The following MTHFD2L variants were observed in gnomAD, a reference collection of about 807,000 sequenced individuals.
The protein encoded by MTHFD2L is methylenetetrahydrofolate dehydrogenase (NADP+ dependent) 2 like.
MTHFD2L carries 29 observed loss-of-function variants against 34.9 expected under a neutral mutation model. That is an observed-to-expected ratio of 0.83 (90% confidence interval 0.62 to 1.13). The LOEUF (loss-of-function observed/expected upper bound fraction) is 1.13, where lower values mean the gene tolerates loss of function less well. MTHFD2L is among the 50% of genes most tolerant of loss of function. The probability of loss-of-function intolerance (pLI) is 0.00; values close to 1 mark genes in which losing one functional copy is unlikely to be tolerated. For synonymous variants in MTHFD2L, 167 were observed against 155.7 expected (o/e 1.07, Z -0.54); for missense variants, 481 against 446.5 (o/e 1.08, Z -0.70).
intron 1 of MTHFD2L, chr4:74,159,995 C>A: frequency 8.5e-7 from 1 of 1,181,382 alleles, no homozygotes. Flanking sequence ...TGGTGGGTCT[C>A]GGGTGGGGAG....
intron 3 of MTHFD2L, among the ~76,000 whole-genome samples, chr4:74,190,716 G>T (rs1206535310): frequency 6.6e-6 from 1 of 152,080 alleles, no homozygotes; most frequent in African/African-American, 2.4e-5. Flanking sequence ...ATCCCAGAGG[G>T]TGTAACTTAA....
intron 6 of MTHFD2L, among the ~76,000 whole-genome samples, chr4:74,264,918 A>G (rs1745102475): frequency 1.3e-5 from 2 of 152,342 alleles, no homozygotes; most frequent in South Asian, 4.1e-4. Flanking sequence ...AGGAGTAATA[A>G]GAAACCTTCC....
intron 3 of MTHFD2L, among the ~76,000 whole-genome samples, chr4:74,188,883 A>T (rs928080118): frequency 6.6e-6 from 1 of 151,458 alleles, no homozygotes; most frequent in Admixed American, 6.6e-5. Flanking sequence ...GCCGTCTATT[A>T]TATTCAAATA....
chr4:74,282,468 G>A (rs747366169), intron 7 of MTHFD2L, among the ~76,000 whole-genome samples: 3 of 152,038 alleles, frequency 2.0e-5, no homozygotes, highest in Non-Finnish European at 4.4e-5. Flanking sequence ...TTTAGATTTT[G>A]TTTTTTCACT....
At chr4:74,149,773 G>C (rs908975476) in intron 1 of MTHFD2L, among the ~76,000 whole-genome samples, 3 of 152,146 alleles carry the variant, frequency 2.0e-5, no homozygotes, top group Non-Finnish European at 4.4e-5. Context: ...ATTTGCAAGG[G>C]TGTTATGTGT....
intron 1 of MTHFD2L, chr4:74,159,973 A>T (rs1725057268): frequency 1.0e-6 from 1 of 954,600 alleles, no homozygotes; most frequent in Non-Finnish European, 1.3e-6. Context: ...AGGTTGAGAA[A>T]CACCTGTGGA....
At chr4:74,254,718 G>C (rs1332815809) in intron 6 of MTHFD2L, among the ~76,000 whole-genome samples, 1 of 152,094 alleles carries the variant, frequency 6.6e-6, no homozygotes, top group African/African-American at 2.4e-5. Flanking sequence ...CATTGTGAAG[G>C]TAAGAATATA....
At position 74,199,793 on chromosome 4, in the gene MTHFD2L, G is replaced by C. The variant is rs1734095853; in HGVS notation, c.452-1G>C. The C allele has an allele frequency of 6.3e-7, 1 of 1,590,550 alleles. No individual in the cohort carries two copies. The highest frequency in any genetic ancestry group is 1.4e-5 in the African/African-American group (1 of 73,798). ...TTAGACAAATTTTATTTATTTTTCA[G>C]ACCACGTTGATGAGCGAACAATATG... is the stretch of plus-strand genomic sequence containing the variant. On this transcript the variant is annotated splice_acceptor_variant, in intron 3 of 7. Transcript: ENST00000325278. LOFTEE classifies it high-confidence loss of function.
intron 1 of MTHFD2L, among the ~76,000 whole-genome samples, chr4:74,151,496 T>G (rs1312716601): frequency 1.3e-5 from 2 of 152,180 alleles, no homozygotes; most frequent in African/African-American, 2.4e-5. Context: ...TCACACTACC[T>G]GAGACTTGAA....
intron 3 of MTHFD2L, among the ~76,000 whole-genome samples, chr4:74,182,019 C>T (rs1178580384): frequency 3.3e-5 from 5 of 151,940 alleles, no homozygotes; most frequent in Non-Finnish European, 7.4e-5. Flanking sequence ...AAATGTTTGA[C>T]CAGAGTGGGA....
At chr4:74,165,124 A>G (rs1318297593) in intron 1 of MTHFD2L, 9 of 263,874 alleles carry the variant, frequency 3.4e-5, no homozygotes, top group South Asian at 1.5e-4. Context: ...TGGAATATCT[A>G]TTGGCTTACA....
intron 5 of MTHFD2L, among the ~76,000 whole-genome samples, chr4:74,214,402 C>T (rs555573949): frequency 4.6e-5 from 7 of 151,758 alleles, no homozygotes; most frequent in African/African-American, 1.2e-4. Context: ...TTTGTGTGGA[C>T]GTCCTGTTTG....
intron 3 of MTHFD2L, among the ~76,000 whole-genome samples, chr4:74,177,153 C>T (rs1021528135): frequency 2.0e-5 from 3 of 151,712 alleles, no homozygotes; most frequent in Non-Finnish European, 2.9e-5. Flanking sequence ...TATCACTTAC[C>T]TTTAAAACTA....
intron 7 of MTHFD2L, among the ~76,000 whole-genome samples, chr4:74,300,450 CTATT>C (rs1412124610): frequency 6.6e-6 from 1 of 151,938 alleles, no homozygotes; most frequent in Non-Finnish European, 1.5e-5. Context: ...TAGACAACAT[CTATT>C]TATTTTGATT....
chr4:74,266,562 C>G (rs1267574137), intron 6 of MTHFD2L, among the ~76,000 whole-genome samples: 11 of 152,152 alleles, frequency 7.2e-5, no homozygotes, highest in Admixed American at 7.2e-4. Context: ...CTCCAAGACA[C>G]AGCCCAGGGA....
chr4:74,245,574 C>A (rs1237807524), intron 6 of MTHFD2L, among the ~76,000 whole-genome samples: 1 of 151,876 alleles, frequency 6.6e-6, no homozygotes, highest in East Asian at 1.9e-4. Context: ...TGTGCTGCAC[C>A]CATTAACTCG....
intron 6 of MTHFD2L, among the ~76,000 whole-genome samples, chr4:74,276,562 G>T (rs1442418758): frequency 6.6e-6 from 1 of 151,936 alleles, no homozygotes; most frequent in Non-Finnish European, 1.5e-5. Flanking sequence ...GCATCCTAAT[G>T]GTATATGTCT....
At chr4:74,136,245 A>C (rs1298897975) in intron 1 of MTHFD2L, among the ~76,000 whole-genome samples, 3 of 152,092 alleles carry the variant, frequency 2.0e-5, no homozygotes, top group African/African-American at 7.2e-5. Flanking sequence ...CTACCAAAAA[A>C]AACTGTTATA....
chr4:74,187,397 G>A (rs1041114783), intron 3 of MTHFD2L, among the ~76,000 whole-genome samples: 1 of 152,108 alleles, frequency 6.6e-6, no homozygotes, highest in African/African-American at 2.4e-5. Flanking sequence ...AATAATCATT[G>A]CTGAAACTTT....
Sources: allele counts gnomAD v4.1 joint callset (sites outside exome capture counted in the v4.1 genomes callset), GRCh38; gene constraint gnomAD v4.1.1; transcripts MANE v1.5; gene names NCBI Gene and HGNC (gene_info 2026-07-23, HGNC 2026-07-21).